Variants in YTHDF3 observed in about 807,000 individuals in gnomAD.
YTHDF3 encodes YTH N6-methyladenosine RNA binding protein F3.
YTHDF3 carries 9 observed loss-of-function variants against 52.5 expected under a neutral mutation model. That is an observed-to-expected ratio of 0.17 (90% CI 0.10 to 0.30). The LOEUF (loss-of-function observed/expected upper bound fraction) is 0.30. YTHDF3 is among the 10% of genes least tolerant of loss of function. The pLI is 1.00. For synonymous variants in YTHDF3, 274 were observed against 243.3 expected (o/e 1.13, Z -1.18); for missense variants, 534 against 715.0 (o/e 0.75, Z 2.89).
intron 4 of YTHDF3, among the ~76,000 whole-genome samples, chr8:63,202,336 G>A (rs934028039): frequency 2.0e-5 from 3 of 152,054 alleles, no homozygotes; most frequent in African/African-American, 7.2e-5. Context: ...CAAAGGATCC[G>A]TCCTTTTCTT....
chr8:63,171,370 T>C (rs1210079088), intron 2 of YTHDF3, among the ~76,000 whole-genome samples: 1 of 152,224 alleles, frequency 6.6e-6, no homozygotes, highest in African/African-American at 2.4e-5. Context: ...GTAGCAATTA[T>C]ATTTGCTGGA....
intron 3 of YTHDF3, among the ~76,000 whole-genome samples, chr8:63,184,668 A>G (rs1247405706): frequency 3.3e-5 from 5 of 152,246 alleles, no homozygotes; most frequent in Non-Finnish European, 7.3e-5. Flanking sequence ...CGAAATAGTG[A>G]CAAGAGTGAA....
intron 2 of YTHDF3, among the ~76,000 whole-genome samples, chr8:63,174,090 A>G (rs532257190): frequency 1.3e-5 from 2 of 152,318 alleles, no homozygotes; most frequent in Admixed American, 1.3e-4. Context: ...GGGAAAATTT[A>G]AGGATAATAA....
At position 63,186,836 on chromosome 8, in the gene YTHDF3, T is replaced by C. The variant is rs1808542563; in HGVS notation, c.825T>C (p.Asn275=). Residue 275 remains asparagine (N), a synonymous_variant, in exon 4 of 5, where the codon AAT becomes AAC. Transcript: ENST00000539294. ...VPPPPIKHNM[N]IGTWDEKGSV... is the part of the protein sequence containing the mutation. ...CACCTCCTATAAAACACAACATGAA[T>C]ATTGGAACTTGGGATGAAAAAGGGT... The C allele has an allele frequency of 3.7e-6, 6 of 1,613,848 alleles. No individual in the cohort carries two copies. Among genetic ancestry groups the C allele is most frequent in the Non-Finnish European group, 5.1e-6 (6 of 1,179,876 alleles).
intron 3 of YTHDF3, among the ~76,000 whole-genome samples, chr8:63,181,362 A>C (rs72659896): frequency 0.02 from 3,067 of 152,312 alleles, 52 homozygotes; most frequent in Non-Finnish European, 0.027. Flanking sequence ...TTAAGTAATT[A>C]CTATAGCTTC....
intron 4 of YTHDF3, among the ~76,000 whole-genome samples, chr8:63,205,096 CTT>C (rs1585788732): frequency 6.6e-6 from 1 of 152,036 alleles, no homozygotes; most frequent in African/African-American, 2.4e-5. Context: ...AAATTCCAGT[CTT>C]TGCTCTAGGA....
rs1585759975 is a variant in YTHDF3 at position 63,187,010 on chromosome 8, A to G, written c.999A>G (p.Gly333=). The G allele has an allele frequency of 6.2e-7, 1 of 1,613,328 alleles. No individual in the cohort carries two copies. The highest frequency in any genetic ancestry group is 8.5e-7 in the Non-Finnish European group (1 of 1,179,624). ...PQPPQPQQQQ[G]PQPQAQPHQV... ...CACCACAACCACAGCAGCAACAAGG[A>G]CCTCAGCCACAGGCCCAGCCTCACC... is the stretch of plus-strand genomic sequence containing the variant. The change falls in exon 4 of 5, where the codon GGA becomes GGG. Residue 333 remains glycine (G), a synonymous_variant. Coordinates refer to ENST00000539294, the MANE Select transcript of YTHDF3 (RefSeq NM_152758.6).
chr8:63,174,684 A>G (rs942076398), intron 2 of YTHDF3, among the ~76,000 whole-genome samples: 4 of 152,176 alleles, frequency 2.6e-5, no homozygotes, highest in Admixed American at 1.3e-4. Flanking sequence ...AATTATGGCT[A>G]TCTTTTGTGT....
At chr8:63,208,813 T>C (rs1455613442) in intron 4 of YTHDF3, among the ~76,000 whole-genome samples, 1 of 152,232 alleles carries the variant, frequency 6.6e-6, no homozygotes, top group Admixed American at 6.5e-5. Context: ...CTCCCAATTA[T>C]GTTATAAGCC....
chr8:63,175,517 T>C, intron 3 of YTHDF3, 101 bp downstream of exon 3: 1 of 940,254 alleles, frequency 1.1e-6, no homozygotes, highest in South Asian at 1.5e-5. Flanking sequence ...ATAACATGGA[T>C]TCATTCATCT....
intron 3 of YTHDF3, among the ~76,000 whole-genome samples, chr8:63,183,653 C>G (rs962310041): frequency 6.6e-6 from 1 of 152,160 alleles, no homozygotes; most frequent in South Asian, 2.1e-4. Flanking sequence ...CATTCTTTGA[C>G]TATATTTGCA....
intron 3 of YTHDF3, among the ~76,000 whole-genome samples, chr8:63,185,594 A>G (rs950347131): frequency 1.3e-5 from 2 of 152,218 alleles, no homozygotes; most frequent in South Asian, 2.1e-4. Context: ...TATAAACGTA[A>G]TCTTGAATCT....
At chr8:63,197,319 T>A (rs1809301948) in intron 4 of YTHDF3, among the ~76,000 whole-genome samples, 1 of 152,218 alleles carries the variant, frequency 6.6e-6, no homozygotes, top group South Asian at 2.1e-4. Flanking sequence ...TTCTTCTTTA[T>A]AGGTGTAATC....
chr8:63,188,142 G>A lies in YTHDF3; in HGVS notation c.1734+397G>A, dbSNP rs747425292. Among the ~76,000 whole-genome samples the A allele has an allele frequency of 1.8e-3, 275 of 151,034 alleles. 1 individual carries two copies. The highest frequency in any genetic ancestry group is 1.5e-3 in the Non-Finnish European group (104 of 67,706). On this transcript the variant is annotated intron_variant, in intron 4 of 4. Coordinates refer to ENST00000539294, the MANE Select transcript of YTHDF3 (RefSeq NM_152758.6). ...TAGAGTTTGAAACAACTTTTTTTTTGAGATGACATCTTGCTGTGTTGCCCA... is the reference window on the plus strand; with the variant it reads ...TAGAGTTTGAAACAACTTTTTTTTTAAGATGACATCTTGCTGTGTTGCCCA...
chr8:63,205,862 T>G (rs1399711439), intron 4 of YTHDF3, among the ~76,000 whole-genome samples: 3 of 152,168 alleles, frequency 2.0e-5, no homozygotes, highest in Non-Finnish European at 2.9e-5. Context: ...AATGTGGGGT[T>G]TTTTTGGTCT....
intron 4 of YTHDF3, among the ~76,000 whole-genome samples, chr8:63,204,416 C>T (rs1809854015): frequency 6.9e-6 from 1 of 144,888 alleles, no homozygotes; most frequent in African/African-American, 2.6e-5. Context: ...GGCTGGAGTA[C>T]AATGGCGTGA....
rs1347776731 is a variant in YTHDF3, at chr8:63,186,709, C to T, written c.698C>T (p.Pro233Leu). 6.2e-7 allele frequency: 1 copy of T among 1,613,968 alleles called. No individual in the cohort carries two copies. Among genetic ancestry groups the T allele is most frequent in the South Asian group, 1.1e-5 (1 of 91,080 alleles). ...GTGCCCCCAGTTAGCAGTGCAGCAC[C>T]TAAACCAACCTCCTGGGCTGCCATT... ...NSVPPVSSAAPKPTSWAAIAR... is the reference protein window; with the variant it reads ...NSVPPVSSAALKPTSWAAIAR... Residue 233 changes from proline to leucine, a missense_variant, in exon 4 of 5, where the codon CCT becomes CTT. Around this residue, in one of 3 missense-constraint regions of YTHDF3, gnomAD observed 196 missense variants for 299.5 expected, o/e 0.65. Coordinates refer to ENST00000539294, the MANE Select transcript of YTHDF3 (RefSeq NM_152758.6).
rs754117676 is a variant in YTHDF3, at chr8:63,187,382, G to A, written c.1371G>A (p.Gly457=). 2 of 1,613,996 alleles carry A rather than the reference G, an allele frequency of 1.2e-6. No homozygotes were observed. Among genetic ancestry groups the A allele is most frequent in the East Asian group, 4.5e-5 (2 of 44,884 alleles). ...ATGCAGCTTACCGTTCCCTGAATGG[G>A]AAAGGCCCACTCTATTTACTCTTCA... The part of the protein sequence containing the change: ...RLDAAYRSLN[G]KGPLYLLFSV... The change falls in exon 4 of 5, where the codon GGG becomes GGA. Residue 457 remains glycine (G), a synonymous_variant. Coordinates refer to ENST00000539294, the MANE Select transcript of YTHDF3 (RefSeq NM_152758.6).
chr8:63,176,020 G>A (rs149099682), intron 3 of YTHDF3, among the ~76,000 whole-genome samples: 1 of 152,240 alleles, frequency 6.6e-6, no homozygotes, highest in Non-Finnish European at 1.5e-5. Flanking sequence ...TTGGTAACTG[G>A]TGGCTTTGAG....
Sources: gnomAD v4.1 joint callset for allele counts (sites outside exome capture counted in the v4.1 genomes callset) on GRCh38, gnomAD v4.1.1 for gene constraint, gnomAD v4.1.1 regional missense constraint, MANE v1.5 for transcripts, NCBI Gene and HGNC (gene_info 2026-07-23, HGNC 2026-07-21) for gene names.